Variants in ELL2 observed in about 807,000 individuals in gnomAD.
The protein encoded by ELL2 is RNA polymerase II elongation factor ELL2.
ELL2 carries 21 observed loss-of-function variants against 72.8 expected under a neutral mutation model. The observed-to-expected ratio is 0.29, with a 90% CI of 0.20 to 0.42. The LOEUF (loss-of-function observed/expected upper bound fraction) is 0.42, where lower values mean the gene tolerates loss of function less well. Ranked by LOEUF, ELL2 falls within the 10% of genes least tolerant of loss-of-function variation. The probability of loss-of-function intolerance (pLI) is 1.00; values close to 1 mark genes in which losing one functional copy is unlikely to be tolerated. For synonymous variants in ELL2, 266 were observed against 283.2 expected (o/e 0.94, Z 0.61); for missense variants, 568 against 772.8 (o/e 0.73, Z 3.14).
In ELL2 at chr5:95,901,735, T is replaced by C. The variant is rs140083649; in HGVS notation, c.742-655A>G. Among the ~76,000 whole-genome samples, 305 of 152,252 alleles carry C rather than the reference T, an allele frequency of 2.0e-3. 1 individual carries two copies. The highest frequency in any genetic ancestry group is 6.9e-3 in the African/African-American group (287 of 41,530). ...TGACTAATGGGGGACATACAGAGGGTTATCCAATCCACTGCTGTGGTATCT... is the reference window on the plus strand; with the variant it reads ...TGACTAATGGGGGACATACAGAGGGCTATCCAATCCACTGCTGTGGTATCT... On this transcript the variant is annotated intron_variant, in intron 5 of 11. Coordinates refer to ENST00000237853, the MANE Select transcript of ELL2 (RefSeq NM_012081.6).
At chr5:95,902,565 G>A (rs1054939405) in intron 5 of ELL2, among the ~76,000 whole-genome samples, 18 of 152,120 alleles carry the variant, frequency 1.2e-4, no homozygotes, top group Non-Finnish European at 8.8e-5. Context: ...CATTCTTTCT[G>A]TGTCTTTTAA....
At chr5:95,939,528 C>T (rs1479380475) in intron 2 of ELL2, among the ~76,000 whole-genome samples, 1 of 152,168 alleles carries the variant, frequency 6.6e-6, no homozygotes, top group African/African-American at 2.4e-5. Context: ...AGAACAATTA[C>T]GTTGGTTGAT....
chr5:95,912,411 G>T (rs1305353602), intron 4 of ELL2, among the ~76,000 whole-genome samples: 1 of 152,164 alleles, frequency 6.6e-6, no homozygotes, highest in African/African-American at 2.4e-5. Flanking sequence ...TTTATAAAAT[G>T]GTGGTATTGG....
rs372782135 is a variant in ELL2, at chr5:95,923,975, T to C, written c.196-4430A>G. ...TAAGGCTGTGTAACAATTTGGCCAA[T>C]GGACAGGAAAGCAGGAGACTTATTG... On this transcript the variant is annotated intron_variant, in intron 2 of 11. Coordinates refer to ENST00000237853, the MANE Select transcript of ELL2 (RefSeq NM_012081.6). Among the ~76,000 whole-genome samples the C allele has an allele frequency of 5.9e-5, 9 of 152,108 alleles. No individual in the cohort carries two copies. In the East Asian group the frequency reaches 1.3e-3, roughly 23 times the overall value.
At position 95,907,296 on chromosome 5, in the gene ELL2, A is replaced by ATATATTTTTTTTTTTTT; in HGVS notation, c.482-515_482-514insAAAAAAAAAAAAATATA. Among the ~76,000 whole-genome samples, 56 of 116,470 alleles carry ATATATTTTTTTTTTTTT rather than the reference A, an allele frequency of 4.8e-4. 1 individual carries two copies. Among genetic ancestry groups the ATATATTTTTTTTTTTTT allele is most frequent in the African/African-American group, 1.7e-3 (42 of 24,506 alleles). The allele number at this position is 116,470 out of a possible 152,430, so 76.4% of individuals were successfully genotyped here. A position where few individuals can be genotyped will look rare whatever the true frequency, so the allele number is the denominator to read the frequency against. On this transcript the variant is annotated intron_variant, in intron 4 of 11. Transcript: ENST00000237853. ...GTTAGTGATATATATATATATATAT[A>ATATATTTTTTTTTTTTT]TTTTTTTTTTTTACAGGCCAAGACA...
At chr5:95,907,502 C>T (rs142127707) in intron 4 of ELL2, among the ~76,000 whole-genome samples, 115 of 152,052 alleles carry the variant, frequency 7.6e-4, no homozygotes, top group African/African-American at 2.6e-3. Flanking sequence ...GTGGTTAACC[C>T]ATTTGCTGTT....
At chr5:95,896,232 T>C (rs953107283) in intron 8 of ELL2, among the ~76,000 whole-genome samples, 1 of 152,214 alleles carries the variant, frequency 6.6e-6, no homozygotes, top group Non-Finnish European at 1.5e-5. Flanking sequence ...TATTATTGAA[T>C]GTCGATTTAT....
intron 5 of ELL2, among the ~76,000 whole-genome samples, chr5:95,903,609 T>C (rs2112284959): frequency 6.6e-6 from 1 of 152,258 alleles, no homozygotes; most frequent in South Asian, 2.1e-4. Flanking sequence ...TGTTTTCTGC[T>C]CTGTTTTCCT....
intron 2 of ELL2, among the ~76,000 whole-genome samples, chr5:95,928,968 G>A (rs1750493505): frequency 6.6e-6 from 1 of 152,136 alleles, no homozygotes; most frequent in Admixed American, 6.5e-5. Flanking sequence ...ATGTCCAGCA[G>A]CAATACCGTG....
chr5:95,912,083 T>C (rs966827468), intron 4 of ELL2, among the ~76,000 whole-genome samples: 2 of 152,238 alleles, frequency 1.3e-5, no homozygotes, highest in Non-Finnish European at 2.9e-5. Flanking sequence ...GTAGTATCTA[T>C]AAGAAACCTT....
chr5:95,909,849 T>C (rs1749514537), intron 4 of ELL2, among the ~76,000 whole-genome samples: 1 of 152,206 alleles, frequency 6.6e-6, no homozygotes, highest in African/African-American at 2.4e-5. Context: ...GTAAACAGTC[T>C]GAAAGGAAGG....
Position 95,913,754 on chromosome 5 carries a change from A to G in ELL2, c.481+17T>C, listed in dbSNP as rs907843760. 6.4e-7 allele frequency: 1 copy of G among 1,569,736 alleles called. No homozygotes were observed. Among genetic ancestry groups the G allele is most frequent in the Non-Finnish European group, 8.6e-7 (1 of 1,160,630 alleles). ...CTCCAATCAATCAGCAAGAGGAAGAAAGATATCTATACAAACCTACATATG... is the reference window on the plus strand; with the variant it reads ...CTCCAATCAATCAGCAAGAGGAAGAGAGATATCTATACAAACCTACATATG... On this transcript the variant is annotated intron_variant, in intron 4 of 11. Coordinates refer to ENST00000237853, the MANE Select transcript of ELL2 (RefSeq NM_012081.6).
Position 95,961,568 on chromosome 5 carries a change from C to G in ELL2, c.147+7G>C. 1 of 1,579,690 alleles carries G rather than the reference C, an allele frequency of 6.3e-7. No homozygotes were observed. On this transcript the variant is annotated splice_region_variant and intron_variant, in intron 1 of 11. Coordinates refer to ENST00000237853, the MANE Select transcript of ELL2 (RefSeq NM_012081.6). ...TCTGAGCCCAGCCTGCCGGCCGGCC[C>G]GCTCACCTTGTGGCTCTGGTAAGTC...
chr5:95,951,009 C>G (rs1012025631), intron 1 of ELL2, among the ~76,000 whole-genome samples: 1 of 143,350 alleles, frequency 7.0e-6, no homozygotes, highest in Non-Finnish European at 1.5e-5. Flanking sequence ...AGCTCTTGAA[C>G]ATGGAAGGCA....
At chr5:95,889,889 G>C (rs568971784) in intron 10 of ELL2, among the ~76,000 whole-genome samples, 10 of 138,936 alleles carry the variant, frequency 7.2e-5, no homozygotes, top group East Asian at 2.5e-4. Context: ...GGATTGGTGA[G>C]GGGGGGAGTC....
intron 2 of ELL2, among the ~76,000 whole-genome samples, chr5:95,935,463 GA>G (rs1197404582): frequency 6.6e-6 from 1 of 152,002 alleles, no homozygotes; most frequent in Non-Finnish European, 1.5e-5. Context: ...TTAACAGCTA[GA>G]AAAAAAATTA....
intron 2 of ELL2, among the ~76,000 whole-genome samples, chr5:95,924,186 C>T (rs559386653): frequency 2.6e-5 from 4 of 152,288 alleles, no homozygotes; most frequent in African/African-American, 7.2e-5. Context: ...TGTGGATATG[C>T]GTCAGTCCCC....
chr5:95,933,415 T>C (rs1231309068), intron 2 of ELL2, among the ~76,000 whole-genome samples: 1 of 152,160 alleles, frequency 6.6e-6, no homozygotes, highest in East Asian at 1.9e-4. Flanking sequence ...AGTGCATCCA[T>C]AAAATGAAAT....
chr5:95,955,340 AAGG>A (rs1160816515), intron 1 of ELL2, among the ~76,000 whole-genome samples: 1 of 152,194 alleles, frequency 6.6e-6, no homozygotes, highest in East Asian at 1.9e-4. Flanking sequence ...ATGAATCTTC[AAGG>A]AGCTTATAGC....
Sources: gnomAD v4.1 joint callset for allele counts (sites outside exome capture counted in the v4.1 genomes callset) on GRCh38, gnomAD v4.1.1 for gene constraint, MANE v1.5 for transcripts, NCBI Gene and HGNC (gene_info 2026-07-23, HGNC 2026-07-21) for gene names.